TMEM184B: variants seen among roughly 807,000 people sequenced by gnomAD.
TMEM184B encodes the protein transmembrane protein 184B, also known as putative MAPK-activating protein FM08.
A neutral mutation model predicts 41.8 loss-of-function variants in TMEM184B; 17 were observed. The observed-to-expected ratio is 0.41, with a 90% CI of 0.28 to 0.61. TMEM184B has a LOEUF of 0.61. TMEM184B is among the 20% of genes least tolerant of loss of function. The pLI, the probability that TMEM184B is intolerant of heterozygous loss-of-function variation, is 0.34. For synonymous variants in TMEM184B, 240 were observed against 229.5 expected, an observed-to-expected ratio of 1.05 and a Z score of -0.41; for missense variants, 393 against 557.8, an observed-to-expected ratio of 0.70 and a Z score of 2.98.
chr22:38,246,583 G>A (rs1357224755), intron 2 of TMEM184B: 14 of 289,886 alleles, frequency 4.8e-5, no homozygotes, highest in Non-Finnish European at 7.4e-5. Context: ...CAAGACAGAC[G>A]CAGCCCTCAC....
intron 5 of TMEM184B, among the ~76,000 whole-genome samples, chr22:38,228,414 G>A (rs954759991): frequency 3.9e-5 from 6 of 152,062 alleles, no homozygotes; most frequent in African/African-American, 1.4e-4. Context: ...TGAAGCAGCA[G>A]CAGCAGCAGC....
chr22:38,245,570 G>C (rs1169676692), intron 3 of TMEM184B, among the ~76,000 whole-genome samples: 2 of 144,584 alleles, frequency 1.4e-5, no homozygotes, highest in Non-Finnish European at 3.0e-5. Flanking sequence ...GTACCTGCCT[G>C]AGACGCCAGC....
intron 1 of TMEM184B, among the ~76,000 whole-genome samples, chr22:38,250,792 C>G (rs781161429): frequency 6.6e-6 from 1 of 152,198 alleles, no homozygotes; most frequent in Non-Finnish European, 1.5e-5. Flanking sequence ...AGAGCAGACC[C>G]GAGCCAGGGC....
chr22:38,247,326 C>T (rs1000245382), intron 2 of TMEM184B, among the ~76,000 whole-genome samples: 1 of 152,224 alleles, frequency 6.6e-6, no homozygotes, highest in Non-Finnish European at 1.5e-5. Flanking sequence ...TCACCTCTGG[C>T]TGGAGGTGGT....
chr22:38,227,315 A>AG (rs1358631101), intron 5 of TMEM184B, among the ~76,000 whole-genome samples: 2 of 152,096 alleles, frequency 1.3e-5, no homozygotes, highest in Non-Finnish European at 2.9e-5. Flanking sequence ...CGACAGGCAG[A>AG]GGGGGCAGCT....
intron 1 of TMEM184B, among the ~76,000 whole-genome samples, chr22:38,256,063 C>A (rs940267474): frequency 1.3e-5 from 2 of 152,154 alleles, no homozygotes; most frequent in Non-Finnish European, 2.9e-5. Flanking sequence ...GTTAATAGTA[C>A]TGTTGGGCTG....
intron 5 of TMEM184B, among the ~76,000 whole-genome samples, chr22:38,228,134 G>A (rs774205136): frequency 3.9e-5 from 6 of 152,168 alleles, no homozygotes; most frequent in African/African-American, 1.2e-4. Flanking sequence ...GCTGCCATAC[G>A]GAGAGGCCCG....
intron 3 of TMEM184B, among the ~76,000 whole-genome samples, chr22:38,244,178 C>A (rs2091974714): frequency 6.6e-6 from 1 of 152,108 alleles, no homozygotes; most frequent in African/African-American, 2.4e-5. Context: ...TTCCTGTGCC[C>A]TATGAGTTCT....
At chr22:38,246,855 G>A in intron 2 of TMEM184B, 1 of 1,302,964 alleles carries the variant, frequency 7.7e-7, no homozygotes, top group Non-Finnish European at 1.0e-6. Flanking sequence ...CAGCTCTCAT[G>A]ACATCACACT....
intron 1 of TMEM184B, among the ~76,000 whole-genome samples, chr22:38,265,834 G>A (rs2092435906): frequency 6.6e-6 from 1 of 152,232 alleles, no homozygotes; most frequent in African/African-American, 2.4e-5. Flanking sequence ...TGGGGACCAG[G>A]AGGCTCTGCC....
intron 1 of TMEM184B, among the ~76,000 whole-genome samples, chr22:38,259,094 CAG>C: frequency 6.6e-6 from 1 of 152,314 alleles, no homozygotes; most frequent in Middle Eastern, 3.4e-3. Flanking sequence ...GGCCCCCCAT[CAG>C]AGACATCCTT....
chr22:38,250,138 T>C (rs2092130009), intron 1 of TMEM184B, among the ~76,000 whole-genome samples: 1 of 151,906 alleles, frequency 6.6e-6, no homozygotes, highest in Non-Finnish European at 1.5e-5. Flanking sequence ...AGTCAGAATA[T>C]CCTGACACCA....
chr22:38,253,958 T>C (rs1191034669), intron 1 of TMEM184B, among the ~76,000 whole-genome samples: 1 of 152,172 alleles, frequency 6.6e-6, no homozygotes, highest in African/African-American at 2.4e-5. Flanking sequence ...CCCAGCACTT[T>C]GGGAGGCCAA....
chr22:38,270,479 G>C (rs1300830826), intron 1 of TMEM184B, among the ~76,000 whole-genome samples: 1 of 152,206 alleles, frequency 6.6e-6, no homozygotes, highest in East Asian at 1.9e-4. Context: ...GGCCCCTTTA[G>C]GGCCCTCTGT....
rs568255206 is a variant in TMEM184B, at chr22:38,265,380, G to A, written c.-59+7504C>T. Among the ~76,000 whole-genome samples the A allele has an allele frequency of 2.0e-5, 3 of 152,228 alleles. No homozygotes were observed. In the East Asian group the frequency reaches 5.8e-4, roughly 29 times the overall value. On this transcript the variant is annotated intron_variant, in intron 1 of 8. Transcript: ENST00000361906. Reference sequence around the variant, plus strand: ...TGAAGCTTTATTCACGTGCTTTCCAGGTCTAAGCAGCAATCCAATACACTG... The same window carrying A: ...TGAAGCTTTATTCACGTGCTTTCCAAGTCTAAGCAGCAATCCAATACACTG...
chr22:38,251,252 C>T (rs905034871), intron 1 of TMEM184B, among the ~76,000 whole-genome samples: 2 of 152,306 alleles, frequency 1.3e-5, no homozygotes, highest in Non-Finnish European at 2.9e-5. Context: ...TGGGCAACCC[C>T]GGTGGTTTAC....
At chr22:38,246,709 G>A in intron 2 of TMEM184B, 1 of 971,996 alleles carries the variant, frequency 1.0e-6, no homozygotes, top group Non-Finnish European at 1.3e-6. Context: ...GTTTAGTTAG[G>A]CAGCTACCTC....
intron 3 of TMEM184B, among the ~76,000 whole-genome samples, chr22:38,242,338 C>A (rs1036954220): frequency 1.3e-5 from 2 of 151,242 alleles, no homozygotes; most frequent in Non-Finnish European, 2.9e-5. Context: ...ATTAGCCGGG[C>A]GTGAAGGCGT....
rs544628862 is a variant in TMEM184B, at chr22:38,221,296, G to A, written c.*173C>T. On this transcript the variant is annotated 3_prime_UTR_variant, in exon 9 of 9. Coordinates refer to ENST00000361906, the MANE Select transcript of TMEM184B (RefSeq NM_012264.5). Reference sequence around the variant, plus strand: ...TAAATATTCCTGAAGGCCCATGGGCGAGCCTGGCTGTCCCCCGTTCCTCTG... The same window carrying A: ...TAAATATTCCTGAAGGCCCATGGGCAAGCCTGGCTGTCCCCCGTTCCTCTG... 38 of 1,432,882 alleles carry A rather than the reference G, an allele frequency of 2.7e-5. No homozygotes were observed. The East Asian group carries it at 7.8e-4, about 29-fold the overall frequency. The allele number at this position is 1,432,882 out of a possible 1,614,324, so 88.8% of individuals were successfully genotyped here.
Sources: allele counts gnomAD v4.1 joint callset (sites outside exome capture counted in the v4.1 genomes callset), GRCh38; gene constraint gnomAD v4.1.1; transcripts MANE v1.5; gene names NCBI Gene and HGNC (gene_info 2026-07-23, HGNC 2026-07-21).